The following PAM variants were observed in gnomAD, a reference collection of about 807,000 sequenced individuals.
PAM encodes the protein peptidylglycine alpha-amidating monooxygenase.
In PAM, 72 loss-of-function variants were observed where a neutral mutation model predicts 122.1. That is an observed-to-expected ratio of 0.59 (90% confidence interval 0.49 to 0.72). PAM has a LOEUF of 0.72. PAM is among the 30% of genes least tolerant of loss of function. PAM has a pLI of 0.00. For missense variants in PAM, 1,106 were observed against 1,183.7 expected (o/e 0.93, Z 0.96); for synonymous variants, 389 against 404.4 (o/e 0.96, Z 0.46).
At chr5:102,834,295 T>C (rs1776298292) in intron 1 of PAM, among the ~76,000 whole-genome samples, 3 of 152,168 alleles carry the variant, frequency 2.0e-5, no homozygotes, top group African/African-American at 7.2e-5. Context: ...GTTTATAATA[T>C]TATAGTTTAC....
At chr5:102,950,435 G>GTGTGTGTGTGTGTGTGTCTA (rs1758472130) in intron 11 of PAM, among the ~76,000 whole-genome samples, 2 of 151,540 alleles carry the variant, frequency 1.3e-5, no homozygotes, top group Admixed American at 1.3e-4. Context: ...GTGTGTGTGT[G>GTGTGTGTGTGTGTGTGTCTA]TGTGTCTATT....
intron 1 of PAM, among the ~76,000 whole-genome samples, chr5:102,821,686 A>G (rs1477881126): frequency 1.3e-5 from 2 of 152,160 alleles, no homozygotes; most frequent in Admixed American, 1.3e-4. Flanking sequence ...TACTGTTATA[A>G]TTACCTTATT....
chr5:103,014,279 GAA>G (rs1403758963), intron 21 of PAM, among the ~76,000 whole-genome samples: 1 of 152,166 alleles, frequency 6.6e-6, no homozygotes, highest in Non-Finnish European at 1.5e-5. Flanking sequence ...ATAAAAATCT[GAA>G]GAGTTCTCAA....
At chr5:102,924,842 A>C in intron 5 of PAM, 115 bp from the exon 6 acceptor site, 4 of 656,300 alleles carry the variant, frequency 6.1e-6, no homozygotes, top group African/African-American at 1.8e-5. Flanking sequence ...TGCAATGATG[A>C]TATATTGATG....
intron 1 of PAM, chr5:102,838,508 A>C (rs1266577695): frequency 1.3e-5 from 2 of 152,156 alleles, no homozygotes; most frequent in Admixed American, 1.3e-4. Context: ...TATGTTCTTC[A>C]TGTATGGCAT....
At chr5:102,908,980 A>G (rs1800548875) in intron 4 of PAM, among the ~76,000 whole-genome samples, 1 of 151,866 alleles carries the variant, frequency 6.6e-6, no homozygotes, top group Non-Finnish European at 1.5e-5. Flanking sequence ...CTAAACTTAA[A>G]TTGCAATTTA....
intron 1 of PAM, among the ~76,000 whole-genome samples, chr5:102,815,455 A>G (rs1769464601): frequency 6.6e-6 from 1 of 152,190 alleles, no homozygotes; most frequent in African/African-American, 2.4e-5. Context: ...TCTGCATTAA[A>G]TTACTAGTTT....
intron 1 of PAM, among the ~76,000 whole-genome samples, chr5:102,774,684 A>T (rs893081917): frequency 6.6e-6 from 1 of 152,002 alleles, no homozygotes; most frequent in African/African-American, 2.4e-5. Context: ...TTCTGTATTC[A>T]TATGTGTTAT....
intron 1 of PAM, among the ~76,000 whole-genome samples, chr5:102,834,877 C>CA (rs1268400801): frequency 3.3e-5 from 5 of 151,910 alleles, no homozygotes; most frequent in Admixed American, 6.6e-5. Flanking sequence ...AACGGCAAAT[C>CA]AGGGGGATGA....
At chr5:102,804,263 G>T (rs1309972944) in intron 1 of PAM, among the ~76,000 whole-genome samples, 1 of 152,154 alleles carries the variant, frequency 6.6e-6, no homozygotes, top group Non-Finnish European at 1.5e-5. Flanking sequence ...TTGGAGTTTG[G>T]TGGTAACCTG....
intron 1 of PAM, among the ~76,000 whole-genome samples, chr5:102,860,242 A>G (rs958436139): frequency 1.3e-5 from 2 of 152,148 alleles, no homozygotes; most frequent in Non-Finnish European, 1.5e-5. Context: ...GTGACCTGGC[A>G]TGGAGCATCA....
At chr5:102,868,231 T>G (rs1297270634) in intron 3 of PAM, among the ~76,000 whole-genome samples, 1 of 152,254 alleles carries the variant, frequency 6.6e-6, no homozygotes, top group Non-Finnish European at 1.5e-5. Context: ...GACTCATTGT[T>G]GCAGATAACA....
chr5:102,793,024 A>G (rs972086454), intron 1 of PAM, among the ~76,000 whole-genome samples: 5 of 152,174 alleles, frequency 3.3e-5, no homozygotes, highest in African/African-American at 1.2e-4. Context: ...TTGGTTATGA[A>G]TCTTGGGCCT....
At chr5:102,803,557 A>G (rs1292626376) in intron 1 of PAM, among the ~76,000 whole-genome samples, 2 of 152,156 alleles carry the variant, frequency 1.3e-5, no homozygotes, top group African/African-American at 4.8e-5. Flanking sequence ...AGATTGGGGC[A>G]TCAGGGACTC....
At chr5:102,872,660 T>G (rs973667175) in intron 3 of PAM, among the ~76,000 whole-genome samples, 2 of 152,180 alleles carry the variant, frequency 1.3e-5, no homozygotes, top group African/African-American at 2.4e-5. Context: ...TAAGTGGCAG[T>G]TGCTCAGAAT....
intron 1 of PAM, among the ~76,000 whole-genome samples, chr5:102,765,842 A>G (rs1024557963): frequency 1.3e-5 from 2 of 152,068 alleles, no homozygotes; most frequent in African/African-American, 4.8e-5. Flanking sequence ...CCCTTTTTAT[A>G]AGGACACAGT....
chr5:102,984,210 TA>T (rs1332818503), intron 15 of PAM, among the ~76,000 whole-genome samples: 1 of 151,858 alleles, frequency 6.6e-6, no homozygotes, highest in Non-Finnish European at 1.5e-5. Flanking sequence ...AGAAAACAAT[TA>T]ACAAAATGAC....
intron 1 of PAM, among the ~76,000 whole-genome samples, chr5:102,862,173 A>C (rs1173895832): frequency 1.1e-3 from 161 of 151,152 alleles, no homozygotes; most frequent in African/African-American, 3.8e-3. Flanking sequence ...CTGTCTCAAA[A>C]AAAAAAAAAA....
intron 7 of PAM, among the ~76,000 whole-genome samples, chr5:102,938,984 A>G (rs896971941): frequency 6.6e-6 from 1 of 152,096 alleles, no homozygotes; most frequent in Non-Finnish European, 1.5e-5. Context: ...AAGTGCTGGG[A>G]TTTGCACATT....
Sources: gnomAD v4.1 joint callset for allele counts (sites outside exome capture counted in the v4.1 genomes callset) on GRCh38, gnomAD v4.1.1 for gene constraint, MANE v1.5 for transcripts, NCBI Gene and HGNC (gene_info 2026-07-23, HGNC 2026-07-21) for gene names.